Variants in PTPRD observed in about 807,000 individuals in gnomAD.
PTPRD encodes the protein protein tyrosine phosphatase receptor type D, also known as receptor-type tyrosine-protein phosphatase delta.
PTPRD carries 34 observed loss-of-function variants against 214.5 expected under a neutral mutation model. The observed-to-expected ratio is 0.16, with a 90% CI of 0.12 to 0.21. The LOEUF is 0.21. Among genes scored for constraint, PTPRD ranks in the 10% least tolerant of loss-of-function variants. The pLI is 1.00. For synonymous variants in PTPRD, 1,128 were observed against 845.7 expected (o/e 1.33, Z -5.79); for missense variants, 2,545 against 2,398.7 (o/e 1.06, Z -1.27).
chr9:9,024,523 A>G (rs1409450972), intron 10 of PTPRD, among the ~76,000 whole-genome samples: 1 of 151,720 alleles, frequency 6.6e-6, no homozygotes, highest in Non-Finnish European at 1.5e-5. Context: ...AAAAGGTAAT[A>G]ACATTTATCA....
intron 3 of PTPRD, among the ~76,000 whole-genome samples, chr9:10,256,957 T>C (rs971913937): frequency 1.1e-4 from 17 of 152,184 alleles, no homozygotes; most frequent in Non-Finnish European, 1.5e-4. Flanking sequence ...CAAATTATGA[T>C]AAATATCCCA....
chr9:9,214,483 AT>A (rs57017587), intron 9 of PTPRD, among the ~76,000 whole-genome samples: 3,127 of 144,600 alleles, frequency 0.022, 72 homozygotes, highest in African/African-American at 0.063. Flanking sequence ...AGGGAGGAGG[AT>A]TTTTTTTTTT....
At chr9:9,076,111 T>C (rs981922818) in intron 10 of PTPRD, among the ~76,000 whole-genome samples, 1 of 152,178 alleles carries the variant, frequency 6.6e-6, no homozygotes, top group Non-Finnish European at 1.5e-5. Flanking sequence ...TTCTAACTGG[T>C]ATGAGATGGT....
chr9:10,266,408 T>A (rs1197075804), intron 3 of PTPRD, among the ~76,000 whole-genome samples: 1 of 152,088 alleles, frequency 6.6e-6, no homozygotes, highest in Non-Finnish European at 1.5e-5. Context: ...GAGAAAGCAA[T>A]AAGAGAATGG....
intron 11 of PTPRD, among the ~76,000 whole-genome samples, chr9:8,934,720 C>A (rs1304057494): frequency 1.3e-5 from 2 of 150,386 alleles, no homozygotes; most frequent in Non-Finnish European, 1.5e-5. Flanking sequence ...AGAATGTATT[C>A]ATCCTGCATA....
At chr9:8,338,394 T>C (rs1289335416) in intron 43 of PTPRD, among the ~76,000 whole-genome samples, 1 of 152,016 alleles carries the variant, frequency 6.6e-6, no homozygotes, top group Non-Finnish European at 1.5e-5. Flanking sequence ...GACAGACACA[T>C]TAGCACACTG....
rs185957595 is a variant in PTPRD, at chr9:10,232,278, T to A, written c.-545+108685A>T. 3.4e-3 allele frequency among the ~76,000 whole-genome samples: 524 copies of A among 152,020 alleles called. 3 individuals are homozygous for A. Among genetic ancestry groups the A allele is most frequent in the African/African-American group, 0.012 (500 of 41,510 alleles). On this transcript the variant is annotated intron_variant, in intron 3 of 45. Coordinates refer to ENST00000381196, the MANE Select transcript of PTPRD (RefSeq NM_002839.4). ...TGTTACAGCCACACAAAACAGACTA[T>A]GACAGGTTCTTAATGAGATAACTGA...
chr9:8,497,424 C>A (rs1301444996), intron 25 of PTPRD, among the ~76,000 whole-genome samples, 156 bp from the exon 26 acceptor site: 1 of 152,200 alleles, frequency 6.6e-6, no homozygotes, highest in African/African-American at 2.4e-5. Context: ...TTTGCTGCCA[C>A]CTCCACCTCT....
At chr9:10,130,589 C>T (rs555965316) in intron 3 of PTPRD, among the ~76,000 whole-genome samples, 1 of 152,166 alleles carries the variant, frequency 6.6e-6, no homozygotes, top group Non-Finnish European at 1.5e-5. Context: ...CTGCATTAAA[C>T]ACAAAGGTCT....
intron 10 of PTPRD, among the ~76,000 whole-genome samples, chr9:9,027,262 T>A (rs1289345225): frequency 6.6e-6 from 1 of 151,816 alleles, no homozygotes; most frequent in African/African-American, 2.4e-5. Context: ...TGCATTTAAA[T>A]TAGCAATAAT....
At chr9:9,828,937 T>C (rs1210918568) in intron 5 of PTPRD, among the ~76,000 whole-genome samples, 1 of 151,948 alleles carries the variant, frequency 6.6e-6, no homozygotes, top group Non-Finnish European at 1.5e-5. Flanking sequence ...AATGTAGACT[T>C]ACATAAATTT....
In PTPRD at chr9:10,364,006, T is replaced by TTTTTTTTG. The variant is rs2097457105; in HGVS notation, c.-599-22990_-599-22989insCAAAAAAA. ...ACATTTTCGGGTTTTTTTTTTTTTT[T>TTTTTTTTG]TTTTTTTTTTTGAGATGGAGTCTTG... On this transcript the variant is annotated intron_variant, in intron 2 of 45. Coordinates refer to ENST00000381196, the MANE Select transcript of PTPRD (RefSeq NM_002839.4). Among the ~76,000 whole-genome samples, 2 of 133,076 alleles carry TTTTTTTTG rather than the reference T, an allele frequency of 1.5e-5. 1 individual carries two copies. The highest frequency in any genetic ancestry group is 4.7e-4 in the East Asian group (2 of 4,294). The allele number at this position is 133,076 out of a possible 152,430, so 87.3% of individuals were successfully genotyped here.
chr9:9,613,985 G>GTAA (rs2094697627), intron 7 of PTPRD, among the ~76,000 whole-genome samples: 1 of 152,088 alleles, frequency 6.6e-6, no homozygotes, highest in Non-Finnish European at 1.5e-5. Context: ...TCTCCTCACG[G>GTAA]TCCTCATCAA....
At chr9:9,753,942 C>T (rs569806237) in intron 6 of PTPRD, among the ~76,000 whole-genome samples, 1 of 152,018 alleles carries the variant, frequency 6.6e-6, no homozygotes, top group Non-Finnish European at 1.5e-5. Context: ...CTCAAATAGA[C>T]TCAGATGTTC....
intron 3 of PTPRD, among the ~76,000 whole-genome samples, chr9:10,211,327 G>A (rs181790658): frequency 1.8e-4 from 27 of 152,252 alleles, no homozygotes; most frequent in Non-Finnish European, 3.5e-4. Flanking sequence ...AAATGCGTCT[G>A]AAGACAAATC....
intron 7 of PTPRD, among the ~76,000 whole-genome samples, chr9:9,697,362 G>A (rs910344288): frequency 6.6e-6 from 1 of 152,040 alleles, no homozygotes; most frequent in Admixed American, 6.6e-5. Flanking sequence ...CTTGTAAGAT[G>A]GGTCTGATGG....
intron 3 of PTPRD, among the ~76,000 whole-genome samples, chr9:10,147,267 T>TC (rs1239424488): frequency 6.6e-6 from 1 of 150,534 alleles, no homozygotes; most frequent in Non-Finnish European, 1.5e-5. Flanking sequence ...TATAGTTCTT[T>TC]TTTTTTATTA....
At chr9:9,008,467 C>T (rs1323862566) in intron 11 of PTPRD, among the ~76,000 whole-genome samples, 1 of 151,936 alleles carries the variant, frequency 6.6e-6, no homozygotes, top group Non-Finnish European at 1.5e-5. Context: ...ACCTTGTGAT[C>T]CACCCGTCTC....
intron 14 of PTPRD, among the ~76,000 whole-genome samples, chr9:8,539,125 A>C (rs1338012542): frequency 6.6e-6 from 1 of 152,076 alleles, no homozygotes; most frequent in African/African-American, 2.4e-5. Context: ...CAGTATTAAC[A>C]AGTTATAACA....
Sources: gnomAD v4.1 joint callset for allele counts (sites outside exome capture counted in the v4.1 genomes callset) on GRCh38, gnomAD v4.1.1 for gene constraint, MANE v1.5 for transcripts, NCBI Gene and HGNC (gene_info 2026-07-23, HGNC 2026-07-21) for gene names.